Variants in FRMD4B observed in about 807,000 individuals in gnomAD.
FRMD4B encodes FERM domain-containing protein 4B.
FRMD4B carries 74 observed loss-of-function variants against 141.5 expected under a neutral mutation model. The observed-to-expected ratio is 0.52, with a 90% CI of 0.43 to 0.63. The LOEUF is 0.63. Ranked by LOEUF, FRMD4B falls within the 30% of genes least tolerant of loss-of-function variation. FRMD4B has a pLI of 0.00. For missense variants in FRMD4B, 1,366 were observed against 1,253.4 expected, an observed-to-expected ratio of 1.09 and a Z score of -1.36; for synonymous variants, 506 against 467.9, an observed-to-expected ratio of 1.08 and a Z score of -1.05.
intron 1 of FRMD4B, among the ~76,000 whole-genome samples, chr3:69,459,002 A>G (rs1705663868): frequency 6.6e-6 from 1 of 152,190 alleles, no homozygotes; most frequent in Admixed American, 6.5e-5. Flanking sequence ...TCTGATCCTT[A>G]CAAACCTCTA....
At chr3:69,476,507 T>TA (rs1677323138) in intron 1 of FRMD4B, among the ~76,000 whole-genome samples, 1 of 152,212 alleles carries the variant, frequency 6.6e-6, no homozygotes, top group Admixed American at 6.5e-5. Context: ...AAAGATCAGA[T>TA]AGTTGTAGAT....
rs377146975 is a variant in FRMD4B, at chr3:69,322,191, T to C, written c.163-8674A>G. 1.4e-3 allele frequency among the ~76,000 whole-genome samples: 211 copies of C among 152,316 alleles called. 2 individuals are homozygous for C. The highest frequency in any genetic ancestry group is 4.8e-3 in the African/African-American group (199 of 41,562). On this transcript the variant is annotated intron_variant, in intron 1 of 22. Coordinates refer to ENST00000398540, the MANE Select transcript of FRMD4B (RefSeq NM_015123.3). ...AACTGGAGAGCGGGAGAAGGATGTA[T>C]CTAGGACGTTCTTACTTTGGGATCT...
intron 11 of FRMD4B, chr3:69,200,838 A>G: frequency 2.1e-6 from 1 of 477,336 alleles, no homozygotes; most frequent in Non-Finnish European, 4.1e-6. Flanking sequence ...TTCTACAGGA[A>G]GAGTTACAAT....
At chr3:69,450,252 G>A (rs549911715) in intron 1 of FRMD4B, among the ~76,000 whole-genome samples, 2 of 152,200 alleles carry the variant, frequency 1.3e-5, no homozygotes, top group Non-Finnish European at 2.9e-5. Flanking sequence ...GCCAAATGTC[G>A]TGGCTCTTGC....
At chr3:69,187,978 T>C in intron 18 of FRMD4B, 61 bp from the exon 19 acceptor site, 5 of 874,918 alleles carry the variant, frequency 5.7e-6, no homozygotes, top group Non-Finnish European at 9.1e-6. Context: ...TAAATAAATA[T>C]CTTGCCAATA....
chr3:69,387,753 G>T (rs1433840343), upstream of FRMD4B, among the ~76,000 whole-genome samples: 1 of 152,166 alleles, frequency 6.6e-6, no homozygotes, highest in Admixed American at 6.5e-5. Context: ...CAAAGTGCCT[G>T]TTGTTTTCAG....
intron 2 of FRMD4B, among the ~76,000 whole-genome samples, chr3:69,405,775 C>A (rs771684320): frequency 6.6e-6 from 1 of 152,140 alleles, no homozygotes; most frequent in Non-Finnish European, 1.5e-5. Flanking sequence ...ATTAAATGAG[C>A]CATGATGACC....
intron 1 of FRMD4B, among the ~76,000 whole-genome samples, chr3:69,483,452 T>C (rs544443660): frequency 1.4e-4 from 21 of 152,358 alleles, no homozygotes; most frequent in Non-Finnish European, 2.1e-4. Context: ...ATCTTTAGTT[T>C]AAGAAGATAT....
chr3:69,171,742 C>T lies in FRMD4B; in HGVS notation c.*119G>A. 1.0e-6 allele frequency: 1 copy of T among 953,904 alleles called. No individual in the cohort carries two copies. Among genetic ancestry groups the T allele is most frequent in the Non-Finnish European group, 1.6e-6 (1 of 623,088 alleles). The allele number at this position is 953,904 out of a possible 1,614,324, so 59.1% of individuals were successfully genotyped here. A position where few individuals can be genotyped will look rare whatever the true frequency, so the allele number is the denominator to read the frequency against. ...TTCACTTCCAGGGCAACTAAGTCTTCTCTTCAACCTTTGATGTCTTTAGGT... is the reference window on the plus strand; with the variant it reads ...TTCACTTCCAGGGCAACTAAGTCTTTTCTTCAACCTTTGATGTCTTTAGGT... On this transcript the variant is annotated 3_prime_UTR_variant, in exon 23 of 23. Transcript: ENST00000398540.
intron 22 of FRMD4B, among the ~76,000 whole-genome samples, chr3:69,173,436 A>G (rs937958248): frequency 9.2e-5 from 14 of 152,200 alleles, no homozygotes; most frequent in African/African-American, 3.4e-4. Flanking sequence ...AAACACTAAT[A>G]TATTGCTATG....
At chr3:69,367,797 A>C (rs1246727388) in intron 1 of FRMD4B, among the ~76,000 whole-genome samples, 2 of 152,214 alleles carry the variant, frequency 1.3e-5, no homozygotes, top group African/African-American at 4.8e-5. Context: ...TTACATGAGA[A>C]TGTCCTTAGG....
At chr3:69,290,367 A>G (rs1442852378) in intron 4 of FRMD4B, among the ~76,000 whole-genome samples, 1 of 152,206 alleles carries the variant, frequency 6.6e-6, no homozygotes, top group Non-Finnish European at 1.5e-5. Flanking sequence ...GTAGAGAGGG[A>G]CAAGAGTCCA....
At chr3:69,243,646 G>A (rs545489787) in intron 7 of FRMD4B, among the ~76,000 whole-genome samples, 1 of 152,360 alleles carries the variant, frequency 6.6e-6, no homozygotes, top group African/African-American at 2.4e-5. Context: ...GAACTCACCA[G>A]CAATGTAACA....
rs115083400 is a variant in FRMD4B at position 69,314,487 on chromosome 3, C to T, written c.163-970G>A. On this transcript the variant is annotated intron_variant, in intron 1 of 22. Coordinates refer to ENST00000398540, the MANE Select transcript of FRMD4B (RefSeq NM_015123.3). ...TGTTTGCAGTGAGTTGAGATCACAC[C>T]ACTACACTACAGTTTGAGTGACACA... Among the ~76,000 whole-genome samples the T allele has an allele frequency of 3.6e-3, 544 of 150,452 alleles. 6 individuals are homozygous for T. Among genetic ancestry groups the T allele is most frequent in the African/African-American group, 0.013 (518 of 40,924 alleles).
chr3:69,431,104 G>T (rs983174805), intron 2 of FRMD4B, among the ~76,000 whole-genome samples: 1 of 152,228 alleles, frequency 6.6e-6, no homozygotes, highest in African/African-American at 2.4e-5. Flanking sequence ...GGGAATCAAA[G>T]AAGGCAAGAA....
chr3:69,340,026 T>C (rs921478837), intron 1 of FRMD4B, among the ~76,000 whole-genome samples: 1 of 152,084 alleles, frequency 6.6e-6, no homozygotes, highest in Non-Finnish European at 1.5e-5. Context: ...TTCCTCTTAC[T>C]CCCTGGGCCC....
In FRMD4B at chr3:69,349,770, T is replaced by C. The variant is rs1703072317; in HGVS notation, c.162+36058A>G. On this transcript the variant is annotated intron_variant, in intron 1 of 22. Transcript: ENST00000398540. Reference sequence around the variant, plus strand: ...TGGTGCTGGGAAAACTGGCTAACCATATGTAGAAAGCTGAAATTGGATCCC... The same window carrying C: ...TGGTGCTGGGAAAACTGGCTAACCACATGTAGAAAGCTGAAATTGGATCCC... Among the ~76,000 whole-genome samples the C allele has an allele frequency of 2.6e-5, 4 of 152,176 alleles. 1 individual carries two copies. The highest frequency in any genetic ancestry group is 2.6e-4 in the Admixed American group (4 of 15,266).
At chr3:69,315,734 C>T (rs1165822195) in intron 1 of FRMD4B, among the ~76,000 whole-genome samples, 1 of 152,094 alleles carries the variant, frequency 6.6e-6, no homozygotes, top group Non-Finnish European at 1.5e-5. Flanking sequence ...AGGTTGTTTC[C>T]AATCTTTTGC....
chr3:69,235,530 G>T (rs961608515), intron 7 of FRMD4B, among the ~76,000 whole-genome samples: 1 of 151,880 alleles, frequency 6.6e-6, no homozygotes, highest in African/African-American at 2.4e-5. Flanking sequence ...GTGGTGGTGG[G>T]TGCCTGTAAT....
Sources: gnomAD v4.1 joint callset for allele counts (sites outside exome capture counted in the v4.1 genomes callset) on GRCh38, gnomAD v4.1.1 for gene constraint, MANE v1.5 for transcripts, NCBI Gene and HGNC (gene_info 2026-07-23, HGNC 2026-07-21) for gene names.